The following NCALD variants were observed in gnomAD, a reference collection of about 807,000 sequenced individuals.
NCALD encodes the protein neurocalcin-delta.
NCALD carries 10 observed loss-of-function variants against 18.6 expected under a neutral mutation model. That is an observed-to-expected ratio of 0.54 (90% CI 0.33 to 0.91). NCALD has a LOEUF of 0.91. Among genes scored for constraint, NCALD ranks in the 40% least tolerant of loss-of-function variants. The pLI is 0.03. For missense variants in NCALD, 184 were observed against 247.6 expected, an observed-to-expected ratio of 0.74 and a Z score of 1.72; for synonymous variants, 88 against 87.4, an observed-to-expected ratio of 1.01 and a Z score of -0.04.
chr8:102,012,739 T>A (rs188400145), intron 2 of NCALD, among the ~76,000 whole-genome samples: 13 of 152,284 alleles, frequency 8.5e-5, no homozygotes, highest in Admixed American at 2.0e-4. Flanking sequence ...ACCCTTCCTC[T>A]TTACCTGAAA....
At chr8:101,716,522 C>T (rs1360768960) in intron 2 of NCALD, among the ~76,000 whole-genome samples, 4 of 152,094 alleles carry the variant, frequency 2.6e-5, no homozygotes, top group Non-Finnish European at 5.9e-5. Context: ...TAAAAATGTT[C>T]ATTTGAGGTC....
chr8:101,948,014 A>G (rs1014947659), intron 2 of NCALD, among the ~76,000 whole-genome samples: 10 of 152,262 alleles, frequency 6.6e-5, no homozygotes, highest in African/African-American at 2.4e-4. Context: ...GGTTATGGCC[A>G]GTCTTGGAAG....
At chr8:101,833,613 T>G (rs1415669721) in intron 4 of NCALD, among the ~76,000 whole-genome samples, 2 of 69,538 alleles carry the variant, frequency 2.9e-5, no homozygotes, top group African/African-American at 1.9e-4. Context: ...GTTTCTTGTT[T>G]TTTTTTTTTT....
intron 1 of NCALD, chr8:102,020,435 A>G (rs1822234940): frequency 6.6e-6 from 1 of 152,208 alleles, no homozygotes; most frequent in Non-Finnish European, 1.5e-5. Context: ...TCACACTTTA[A>G]TATGCCACTA....
At chr8:102,086,856 A>G (rs1824755186) in intron 1 of NCALD, among the ~76,000 whole-genome samples, 1 of 152,192 alleles carries the variant, frequency 6.6e-6, no homozygotes, top group East Asian at 1.9e-4. Context: ...AGGTTGCAGT[A>G]AAGAAAAGCC....
chr8:102,030,578 G>C (rs1432183347), intron 1 of NCALD, among the ~76,000 whole-genome samples: 3 of 152,120 alleles, frequency 2.0e-5, no homozygotes, highest in African/African-American at 7.2e-5. Context: ...TACATCACTG[G>C]GTAACCAAAA....
intron 2 of NCALD, 75 bp downstream of exon 2, chr8:101,719,177 G>A (rs977863729): frequency 1.6e-5 from 24 of 1,545,296 alleles, no homozygotes; most frequent in African/African-American, 1.4e-4. Context: ...CCTCTGCACC[G>A]TGCTATACTG....
chr8:101,914,476 C>T (rs1817909941), intron 3 of NCALD, among the ~76,000 whole-genome samples: 1 of 152,120 alleles, frequency 6.6e-6, no homozygotes, highest in South Asian at 2.1e-4. Flanking sequence ...CCTTTCTTTA[C>T]TATACTCTTT....
chr8:101,970,183 T>C (rs1196244889), intron 2 of NCALD, among the ~76,000 whole-genome samples: 1 of 152,182 alleles, frequency 6.6e-6, no homozygotes, highest in African/African-American at 2.4e-5. Flanking sequence ...CTTATTTCAG[T>C]TTCTACTCTC....
chr8:102,026,113 C>A (rs1822445712), intron 1 of NCALD, among the ~76,000 whole-genome samples: 1 of 152,166 alleles, frequency 6.6e-6, no homozygotes, highest in East Asian at 1.9e-4. Flanking sequence ...CACATGGGAA[C>A]TACAGTTCAA....
chr8:102,021,460 A>G (rs1448461728), intron 1 of NCALD, among the ~76,000 whole-genome samples: 1 of 152,226 alleles, frequency 6.6e-6, no homozygotes, highest in African/African-American at 2.4e-5. Context: ...AAAGAGCTCT[A>G]TTGGACATTT....
intron 1 of NCALD, among the ~76,000 whole-genome samples, chr8:102,123,002 C>A (rs1401956236): frequency 7.9e-5 from 12 of 152,240 alleles, no homozygotes; most frequent in Non-Finnish European, 1.8e-4. Context: ...TACCCACACT[C>A]CCACCATCAC....
At chr8:101,813,510 T>C (rs1218213288) in intron 4 of NCALD, among the ~76,000 whole-genome samples, 1 of 152,212 alleles carries the variant, frequency 6.6e-6, no homozygotes, top group African/African-American at 2.4e-5. Context: ...GATTGAAACC[T>C]ATGTCATTTG....
chr8:101,728,706 G>C (rs1355683026), intron 1 of NCALD, among the ~76,000 whole-genome samples: 1 of 152,216 alleles, frequency 6.6e-6, no homozygotes, highest in Non-Finnish European at 1.5e-5. Context: ...TGTAGTCCCA[G>C]CTCCTTGGGA....
chr8:101,710,380 T>G (rs1187752594), intron 2 of NCALD, among the ~76,000 whole-genome samples: 1 of 152,148 alleles, frequency 6.6e-6, no homozygotes, highest in Admixed American at 6.5e-5. Context: ...TTTTTTTTTG[T>G]ACTCCAGTGG....
intron 2 of NCALD, among the ~76,000 whole-genome samples, chr8:101,928,408 G>A (rs1404523548): frequency 1.3e-5 from 2 of 152,058 alleles, no homozygotes; most frequent in African/African-American, 2.4e-5. Context: ...TTGGACCACA[G>A]AGATCCTGTT....
chr8:101,899,902 TTCC>T (rs1373904120), intron 3 of NCALD, among the ~76,000 whole-genome samples: 2 of 151,898 alleles, frequency 1.3e-5, no homozygotes, highest in African/African-American at 2.4e-5. Context: ...TGGGAAATAT[TTCC>T]TCATCTTTTA....
At chr8:101,753,049 A>C (rs1380018802) in intron 1 of NCALD, among the ~76,000 whole-genome samples, 1 of 152,198 alleles carries the variant, frequency 6.6e-6, no homozygotes, top group Non-Finnish European at 1.5e-5. Flanking sequence ...ACCATGTTGA[A>C]CAGGAAAGAT....
chr8:101,935,790 T>C (rs2131728002), intron 2 of NCALD, among the ~76,000 whole-genome samples: 1 of 146,918 alleles, frequency 6.8e-6, no homozygotes, highest in South Asian at 2.3e-4. Flanking sequence ...ATTCTTTTTT[T>C]TTTTTTTTTT....
Sources: gnomAD v4.1 joint callset for allele counts (sites outside exome capture counted in the v4.1 genomes callset) on GRCh38, gnomAD v4.1.1 for gene constraint, MANE v1.5 for transcripts, NCBI Gene and HGNC (gene_info 2026-07-23, HGNC 2026-07-21) for gene names.